AP1B1: variants seen among roughly 807,000 people sequenced by gnomAD.
AP1B1 encodes the protein AP-1 complex subunit beta-1.
In AP1B1, 36 loss-of-function variants were observed where a neutral mutation model predicts 104.3. That is an observed-to-expected ratio of 0.35 (90% CI 0.26 to 0.46). The LOEUF (loss-of-function observed/expected upper bound fraction) is 0.46, where lower values mean the gene tolerates loss of function less well. AP1B1 is among the 20% of genes least tolerant of loss of function. The pLI is 1.00. For missense variants in AP1B1, 901 were observed against 1,247.9 expected, an observed-to-expected ratio of 0.72 and a Z score of 4.19; for synonymous variants, 504 against 517.5, an observed-to-expected ratio of 0.97 and a Z score of 0.35.
chr22:29,381,783 T>G (rs991656139), intron 1 of AP1B1, among the ~76,000 whole-genome samples: 2 of 152,042 alleles, frequency 1.3e-5, no homozygotes, highest in Non-Finnish European at 2.9e-5. Context: ...GTGACAGAGC[T>G]GCAGAAGGTG....
At chr22:29,388,268 C>A (rs1378651629) in intron 1 of AP1B1, among the ~76,000 whole-genome samples, 156 bp downstream of exon 1, 2 of 152,216 alleles carry the variant, frequency 1.3e-5, no homozygotes, top group African/African-American at 2.4e-5. Context: ...TGAACGAACC[C>A]TCAGCCCTTC....
intron 3 of AP1B1, 51 bp downstream of exon 3, chr22:29,362,950 C>T (rs1265189177): frequency 1.5e-6 from 2 of 1,320,438 alleles, no homozygotes; most frequent in East Asian, 2.3e-5. Flanking sequence ...AAGCTATAAA[C>T]CCTCCCCTGT....
Position 29,377,131 on chromosome 22 carries a change from G to A in AP1B1, c.-27-9861C>T, listed in dbSNP as rs1052141569. ...GAATCGCTTGAACCTGGGAGGCGGG[G>A]GTTGCAGTAAGCCGAGACCGTGCCA... On this transcript the variant is annotated intron_variant, in intron 1 of 22. Transcript: ENST00000357586. Among the ~76,000 whole-genome samples, 5 of 151,124 alleles carry A rather than the reference G, an allele frequency of 3.3e-5. No individual in the cohort carries two copies. The East Asian group carries it at 9.7e-4, about 29-fold the overall frequency.
chr22:29,331,992 G>C, intron 17 of AP1B1, 76 bp from the exon 18 acceptor site: 3 of 1,418,676 alleles, frequency 2.1e-6, no homozygotes, highest in Non-Finnish European at 1.9e-6. Context: ...CCTCCGACTC[G>C]GGAGCTGGGG....
intron 3 of AP1B1, among the ~76,000 whole-genome samples, chr22:29,362,195 T>C (rs1462655768): frequency 6.6e-6 from 1 of 152,224 alleles, no homozygotes; most frequent in Non-Finnish European, 1.5e-5. Flanking sequence ...CAACCGGCTT[T>C]AGCCATCAGG....
In AP1B1 at chr22:29,356,406, G is replaced by A. The variant is rs746806884; in HGVS notation, c.716+20C>T. ...CAGGGTCCTCAAGCTGGGCTGGCAA[G>A]CAACGGGCAGCCCGCTCACCTCTGG... On this transcript the variant is annotated intron_variant, in intron 6 of 22. Transcript: ENST00000357586. 1.9e-6 allele frequency: 3 copies of A among 1,596,322 alleles called. No homozygotes were observed. Among genetic ancestry groups the A allele is most frequent in the Non-Finnish European group, 2.6e-6 (3 of 1,167,634 alleles).
intron 16 of AP1B1, among the ~76,000 whole-genome samples, chr22:29,337,354 C>T (rs530391656): frequency 3.3e-5 from 5 of 152,178 alleles, no homozygotes; most frequent in East Asian, 1.9e-4. Flanking sequence ...AGGAAGTGTG[C>T]GGCTACTAGT....
At chr22:29,352,393 C>T (rs2061890520) in intron 7 of AP1B1, among the ~76,000 whole-genome samples, 1 of 152,188 alleles carries the variant, frequency 6.6e-6, no homozygotes, top group Non-Finnish European at 1.5e-5. Context: ...TGTGTAGGTG[C>T]CCCCAATAAC....
At chr22:29,367,987 C>T (rs2062170999) in intron 1 of AP1B1, among the ~76,000 whole-genome samples, 1 of 152,126 alleles carries the variant, frequency 6.6e-6, no homozygotes, top group African/African-American at 2.4e-5. Flanking sequence ...GCAAAGCTCA[C>T]AGCGTGAAGT....
chr22:29,352,597 C>A (rs1287051956), intron 7 of AP1B1, among the ~76,000 whole-genome samples: 1 of 152,138 alleles, frequency 6.6e-6, no homozygotes, highest in Non-Finnish European at 1.5e-5. Flanking sequence ...GGCAGCCCTG[C>A]TCTGCTGCTG....
chr22:29,349,361 G>A lies in AP1B1; in HGVS notation c.1294C>T (p.Leu432=), dbSNP rs908180340. 5 of 1,613,998 alleles carry A rather than the reference G, an allele frequency of 3.1e-6. No homozygotes were observed. The highest frequency in any genetic ancestry group is 4.2e-6 in the Non-Finnish European group (5 of 1,180,030). ...TCCAGGGAGTCCAGATTCTCACACA[G>A]TGTGGCAATCACACTCTCATACCTG... ...PNKYESVIAT[L]CENLDSLDEP... Residue 432 remains leucine, a synonymous_variant, in exon 11 of 23, where the codon CTG becomes TTG. Transcript: ENST00000357586.
intron 1 of AP1B1, among the ~76,000 whole-genome samples, chr22:29,374,289 G>A (rs2062296987): frequency 1.5e-5 from 2 of 131,676 alleles, no homozygotes; most frequent in Non-Finnish European, 3.3e-5. Context: ...CCAGAGGAAA[G>A]TCTTTGGAGT....
chr22:29,382,527 C>T (rs2062453637), intron 1 of AP1B1, among the ~76,000 whole-genome samples: 1 of 151,702 alleles, frequency 6.6e-6, no homozygotes, highest in African/African-American at 2.4e-5. Flanking sequence ...GGGAAAGAGA[C>T]CGTAAGCAAG....
At chr22:29,364,429 A>AT (rs1193121206) in intron 2 of AP1B1, among the ~76,000 whole-genome samples, 1 of 152,018 alleles carries the variant, frequency 6.6e-6, no homozygotes, top group African/African-American at 2.4e-5. Flanking sequence ...TTTATTTTTT[A>AT]TTTTTTTGAG....
At chr22:29,351,969 G>T in intron 7 of AP1B1, 144 bp from the exon 8 acceptor site, 1 of 1,151,278 alleles carries the variant, frequency 8.7e-7, no homozygotes, top group Non-Finnish European at 1.2e-6. Context: ...ATGGCTGCAA[G>T]CTCCTGGGTA....
chr22:29,342,765 C>A (rs2061733806), intron 11 of AP1B1, among the ~76,000 whole-genome samples: 1 of 152,174 alleles, frequency 6.6e-6, no homozygotes, highest in Non-Finnish European at 1.5e-5. Flanking sequence ...TGGCGACAGT[C>A]CCATGGAGGC....
At chr22:29,380,685 C>T (rs527795776) in intron 1 of AP1B1, among the ~76,000 whole-genome samples, 14 of 152,234 alleles carry the variant, frequency 9.2e-5, no homozygotes, top group Admixed American at 9.2e-4. Context: ...ATCTAGAATC[C>T]ATGAGCAGCT....
chr22:29,337,056 G>A (rs2061648592), intron 16 of AP1B1, among the ~76,000 whole-genome samples: 1 of 152,216 alleles, frequency 6.6e-6, no homozygotes, highest in Non-Finnish European at 1.5e-5. Context: ...TGCACATGCT[G>A]TACGTTATGC....
At position 29,330,859 on chromosome 22, in the gene AP1B1, A is replaced by C; in HGVS notation, c.2525-150T>G. On this transcript the variant is annotated intron_variant, in intron 19 of 22. Coordinates refer to ENST00000357586, the MANE Select transcript of AP1B1 (RefSeq NM_001127.4). ...TGCCGCACAGCCCTCCTGCTTCCCT[A>C]AGCACACCCTCCGCTCTGTGAGGGA... 3 of 683,868 alleles carry C rather than the reference A, an allele frequency of 4.4e-6. No individual in the cohort carries two copies. In the Admixed American group the frequency reaches 7.3e-5, roughly 17 times the overall value. 42.4% of individuals were successfully genotyped at this position (683,868 alleles called of 1,614,324 possible).
Sources: allele counts gnomAD v4.1 joint callset (sites outside exome capture counted in the v4.1 genomes callset), GRCh38; gene constraint gnomAD v4.1.1; transcripts MANE v1.5; gene names NCBI Gene and HGNC (gene_info 2026-07-23, HGNC 2026-07-21).